CSMD1: variants seen among roughly 807,000 people sequenced by gnomAD.
CSMD1 encodes the protein CUB and sushi domain-containing protein 1.
A neutral mutation model predicts 417.5 loss-of-function variants in CSMD1; 213 were observed. The ratio of observed to expected loss-of-function variants is 0.51; its 90% CI spans 0.46 to 0.57. The LOEUF (loss-of-function observed/expected upper bound fraction) is 0.57, where lower values mean the gene tolerates loss of function less well. CSMD1 is among the 20% of genes least tolerant of loss of function. CSMD1 has a pLI of 0.00. For missense variants in CSMD1, 6,923 were observed against 4,529.7 expected, an observed-to-expected ratio of 1.53 and a Z score of -15.17; for synonymous variants, 2,862 against 1,736.8, an observed-to-expected ratio of 1.65 and a Z score of -16.11.
Position 4,426,768 on chromosome 8 carries a change from T to A in CSMD1, c.303-6703A>T, listed in dbSNP as rs1797584252. Among the ~76,000 whole-genome samples the A allele has an allele frequency of 2.0e-5, 3 of 148,020 alleles. No homozygotes were observed. In the South Asian group the frequency reaches 6.3e-4, roughly 31 times the overall value. On this transcript the variant is annotated intron_variant, in intron 2 of 69. Transcript: ENST00000635120. ...TATAGTAATATAGTAATATTTTATA[T>A]TACAATACAGATGATATTATATAAT...
rs367971304 is a variant in CSMD1 at position 3,201,651 on chromosome 8, G to C, written c.5059C>G (p.Gln1687Glu). ...GAGAGTGAGCTGAGAAGTCTGGCCT[G>C]TGCATGGGTTCCATCAAATAATTCT... Reference protein sequence around the residue: ...LAELFDGTHAQARLLSSLSGS... With the variant: ...LAELFDGTHAEARLLSSLSGS... Residue 1687 changes from glutamine to glutamate, a missense_variant, in exon 32 of 70, where the codon CAG becomes GAG. Coordinates refer to ENST00000635120, the MANE Select transcript of CSMD1 (RefSeq NM_033225.6). 9 of 1,606,266 alleles carry C rather than the reference G, an allele frequency of 5.6e-6. No individual in the cohort carries two copies. The highest frequency in any genetic ancestry group is 3.3e-4 in the Middle Eastern group (2 of 6,048).
At chr8:4,237,724 G>A (rs1249666710) in intron 3 of CSMD1, among the ~76,000 whole-genome samples, 1 of 152,102 alleles carries the variant, frequency 6.6e-6, no homozygotes, top group African/African-American at 2.4e-5. Context: ...TGTTGACCAG[G>A]CTAGTCTCAA....
At chr8:3,703,183 G>T (rs958819685) in intron 7 of CSMD1, among the ~76,000 whole-genome samples, 1 of 152,160 alleles carries the variant, frequency 6.6e-6, no homozygotes, top group African/African-American at 2.4e-5. Context: ...TACACTTAAT[G>T]TTGAGAGTCG....
chr8:4,334,864 TG>T (rs1313301778), intron 3 of CSMD1, among the ~76,000 whole-genome samples: 2 of 152,108 alleles, frequency 1.3e-5, no homozygotes, highest in Non-Finnish European at 2.9e-5. Context: ...ATCTGGAGGC[TG>T]GGAAGTCCAA....
At chr8:3,252,530 TG>T (rs1800346234) in intron 26 of CSMD1, among the ~76,000 whole-genome samples, 1 of 152,170 alleles carries the variant, frequency 6.6e-6, no homozygotes, top group South Asian at 2.1e-4. Flanking sequence ...TCTCTTTTTT[TG>T]TTGTGTGTCT....
rs1314352170 is a variant in CSMD1, at chr8:3,288,801, T to G, written c.3951-4455A>C. Among the ~76,000 whole-genome samples the G allele has an allele frequency of 2.0e-5, 3 of 147,308 alleles. 1 individual carries two copies. The East Asian group carries it at 5.9e-4, about 29-fold the overall frequency. ...GGGTTTTTCTCTTTTTTATATAGAC[T>G]AATTCCTATAATTGTATTTCTTTTA... On this transcript the variant is annotated intron_variant, in intron 25 of 69. Transcript: ENST00000635120.
intron 1 of CSMD1, among the ~76,000 whole-genome samples, chr8:4,777,543 G>C (rs140444107): frequency 1.3e-5 from 2 of 152,260 alleles, no homozygotes; most frequent in South Asian, 2.1e-4. Context: ...TTTTTTAAAA[G>C]CAGTACACAG....
At chr8:4,464,782 G>C (rs946722904) in intron 2 of CSMD1, among the ~76,000 whole-genome samples, 2 of 152,136 alleles carry the variant, frequency 1.3e-5, no homozygotes, top group Admixed American at 6.5e-5. Context: ...GGGTGGGGCT[G>C]GGCTGAGAGA....
chr8:3,575,580 G>A (rs917164135), intron 9 of CSMD1, among the ~76,000 whole-genome samples: 11 of 152,162 alleles, frequency 7.2e-5, no homozygotes, highest in African/African-American at 2.7e-4. Context: ...GGGTTTTGGA[G>A]CAGATGATCT....
chr8:3,573,263 A>G (rs1354175403), intron 10 of CSMD1, among the ~76,000 whole-genome samples: 1 of 152,198 alleles, frequency 6.6e-6, no homozygotes, highest in Non-Finnish European at 1.5e-5. Context: ...AATTCATGCA[A>G]CTACTAAGTG....
intron 26 of CSMD1, among the ~76,000 whole-genome samples, chr8:3,275,755 C>G (rs914845935): frequency 6.6e-6 from 1 of 152,202 alleles, no homozygotes; most frequent in Non-Finnish European, 1.5e-5. Context: ...TCACGTAGTT[C>G]TGGAGCTTTG....
intron 2 of CSMD1, among the ~76,000 whole-genome samples, chr8:4,489,994 A>C (rs1801619128): frequency 6.6e-6 from 1 of 151,662 alleles, no homozygotes. Flanking sequence ...TTGCCACAAA[A>C]TTGTTGTCTG....
chr8:4,269,980 G>C (rs868394857), intron 3 of CSMD1, among the ~76,000 whole-genome samples: 4 of 152,162 alleles, frequency 2.6e-5, no homozygotes, highest in Non-Finnish European at 5.9e-5. Context: ...GCAAAATGTT[G>C]ACCTGAGCTT....
intron 1 of CSMD1, among the ~76,000 whole-genome samples, chr8:4,869,794 A>G (rs1802629136): frequency 6.6e-6 from 1 of 152,038 alleles, no homozygotes; most frequent in Non-Finnish European, 1.5e-5. Flanking sequence ...CTGTTTCTTT[A>G]TTGTCTGCCT....
chr8:3,051,486 C>G (rs1448125754), intron 50 of CSMD1, among the ~76,000 whole-genome samples: 7 of 152,150 alleles, frequency 4.6e-5, no homozygotes, highest in African/African-American at 1.7e-4. Context: ...AAGACTGTCT[C>G]TTGGGTACTA....
At chr8:4,160,656 G>T (rs148845333) in intron 3 of CSMD1, among the ~76,000 whole-genome samples, 6 of 152,314 alleles carry the variant, frequency 3.9e-5, no homozygotes, top group African/African-American at 1.2e-4. Flanking sequence ...GTACTTGTGT[G>T]TGCACAGACA....
chr8:4,468,045 C>T (rs780793212), intron 2 of CSMD1, among the ~76,000 whole-genome samples: 2 of 149,142 alleles, frequency 1.3e-5, no homozygotes, highest in Non-Finnish European at 3.0e-5. Flanking sequence ...ACTCAACAGG[C>T]CCTGCCTCCT....
chr8:3,859,363 G>C (rs2129104843), intron 5 of CSMD1, among the ~76,000 whole-genome samples: 1 of 152,276 alleles, frequency 6.6e-6, no homozygotes, highest in Non-Finnish European at 1.5e-5. Flanking sequence ...TTTAGGTCCA[G>C]AAATACTTCT....
At chr8:3,532,729 T>C (rs1477139672) in intron 10 of CSMD1, among the ~76,000 whole-genome samples, 1 of 152,226 alleles carries the variant, frequency 6.6e-6, no homozygotes, top group Non-Finnish European at 1.5e-5. Context: ...ACACTTTCAG[T>C]ATGTCATATC....
Sources: gnomAD v4.1 joint callset for allele counts (sites outside exome capture counted in the v4.1 genomes callset) on GRCh38, gnomAD v4.1.1 for gene constraint, MANE v1.5 for transcripts, NCBI Gene and HGNC (gene_info 2026-07-23, HGNC 2026-07-21) for gene names.